Variants in EME2 observed in about 807,000 individuals in gnomAD.
EME2 encodes essential meiotic structure-specific endonuclease subunit 2.
EME2 carries 58 observed loss-of-function variants against 41.9 expected under a neutral mutation model. The ratio of observed to expected loss-of-function variants is 1.38; its 90% CI spans 1.12 to 1.72. The LOEUF (loss-of-function observed/expected upper bound fraction) is 1.72, where lower values mean the gene tolerates loss of function less well. Among genes scored for constraint, EME2 ranks in the 40% most tolerant of loss-of-function variants. The pLI, the probability that EME2 is intolerant of heterozygous loss-of-function variation, is 0.00. For missense variants in EME2, 695 were observed against 541.9 expected (o/e 1.28, Z -2.81); for synonymous variants, 334 against 239.3 (o/e 1.40, Z -3.65).
Position 1,780,915 on chromosome 16 carries a change from TAGAGAC to T in EME2, c.*4680_*4685del, listed in dbSNP as rs1166136529. 2 of 332,982 alleles carry T rather than the reference TAGAGAC, an allele frequency of 6.0e-6. No individual in the cohort carries two copies. The highest frequency in any genetic ancestry group is 4.3e-5 in the African/African-American group (2 of 46,322). The allele number at this position is 332,982 out of a possible 1,614,324, so 20.6% of individuals were successfully genotyped here. On this transcript the variant is annotated 3_prime_UTR_variant, in exon 8 of 8. Coordinates refer to ENST00000568449, the MANE Select transcript of EME2 (RefSeq NM_001257370.2). ...GCCTGACACATTTTTTAAATTTTTGTAGAGACAGTGTTTCACCATGTTGCCCAGGCA... is the reference window on the plus strand; with the variant it reads ...GCCTGACACATTTTTTAAATTTTTGTAGTGTTTCACCATGTTGCCCAGGCA...
Position 1,778,654 on chromosome 16 carries a change from T to C in EME2, c.*2416T>C. 6.6e-7 allele frequency: 1 copy of C among 1,516,530 alleles called. No individual in the cohort carries two copies. The highest frequency in any genetic ancestry group is 2.3e-5 in the East Asian group (1 of 43,966). The allele number at this position is 1,516,530 out of a possible 1,614,324, so 93.9% of individuals were successfully genotyped here. A position where few individuals can be genotyped will look rare whatever the true frequency, so the allele number is the denominator to read the frequency against. ...GGCTGTTACTACCTGTTGCCCGCTC[T>C]CTACCCTCTCACCCTTGCCCTCTGT... On this transcript the variant is annotated 3_prime_UTR_variant, in exon 8 of 8. Coordinates refer to ENST00000568449, the MANE Select transcript of EME2 (RefSeq NM_001257370.2).
chr16:1,776,470 C>A lies in EME2; in HGVS notation c.*232C>A. Reference sequence around the variant, plus strand: ...GGCGGTTCCTGTGCTGAGTCCTGAACACGTAGGCCCCAGGGGAGGCCTCAG... The same window carrying A: ...GGCGGTTCCTGTGCTGAGTCCTGAAAACGTAGGCCCCAGGGGAGGCCTCAG... On this transcript the variant is annotated 3_prime_UTR_variant, in exon 8 of 8. Transcript: ENST00000568449. 2.1e-6 allele frequency: 1 copy of A among 470,814 alleles called. No homozygotes were observed. Among genetic ancestry groups the A allele is most frequent in the Non-Finnish European group, 3.7e-6 (1 of 273,064 alleles). 29.2% of individuals were successfully genotyped at this position (470,814 alleles called of 1,614,324 possible). A position where few individuals can be genotyped will look rare whatever the true frequency, so the allele number is the denominator to read the frequency against.
Position 1,781,472 on chromosome 16 carries a change from G to C in EME2, c.*5234G>C. On this transcript the variant is annotated 3_prime_UTR_variant, in exon 8 of 8. Coordinates refer to ENST00000568449, the MANE Select transcript of EME2 (RefSeq NM_001257370.2). ...AGTGCCAGGCCCTGCTGTTCCGGGGGCGTCTGGCCATGGTGGAAAGAATCT... is the reference window on the plus strand; with the variant it reads ...AGTGCCAGGCCCTGCTGTTCCGGGGCCGTCTGGCCATGGTGGAAAGAATCT... 6.2e-7 allele frequency: 1 copy of C among 1,612,518 alleles called. No individual in the cohort carries two copies. The highest frequency in any genetic ancestry group is 8.5e-7 in the Non-Finnish European group (1 of 1,179,864).
At position 1,777,719 on chromosome 16, in the gene EME2, A is replaced by G. The variant is rs1164920813; in HGVS notation, c.*1481A>G. 9.3e-6 allele frequency: 15 copies of G among 1,607,982 alleles called. No individual in the cohort carries two copies. In the East Asian group the frequency reaches 3.4e-4, roughly 36 times the overall value. On this transcript the variant is annotated 3_prime_UTR_variant, in exon 8 of 8. Transcript: ENST00000568449. ...TGCCTCCCTCGGGGTGACAGCTGAG[A>G]GGAGCTCAAGTCCTGTGACGGCCTC...
In EME2 at chr16:1,776,853, C is replaced by T. The variant is rs1432909866; in HGVS notation, c.*615C>T. The T allele has an allele frequency of 1.8e-5, 10 of 549,286 alleles. No homozygotes were observed. Among genetic ancestry groups the T allele is most frequent in the Non-Finnish European group, 3.2e-5 (10 of 312,970 alleles). 34.0% of individuals were successfully genotyped at this position (549,286 alleles called of 1,614,324 possible). ...ACGCGGGCTCCAGCCAGGCTCTCGT[C>T]CTCGCAGCCTCCCACAAGACCTGGG... On this transcript the variant is annotated 3_prime_UTR_variant, in exon 8 of 8. Coordinates refer to ENST00000568449, the MANE Select transcript of EME2 (RefSeq NM_001257370.2).
In EME2 at chr16:1,775,680, C is replaced by T; in HGVS notation, c.775C>T (p.Leu259Phe). 6.2e-7 allele frequency: 1 copy of T among 1,612,362 alleles called. No homozygotes were observed. Among genetic ancestry groups the T allele is most frequent in the South Asian group, 1.1e-5 (1 of 91,082 alleles). ...TACCAAGGCTCTCGCCCAGTATCCC[C>T]TCAAGTGCGTGATGCCAAGGCTGAA... ...AVTKALAQYP[L>F]KQYRESQAFS... Residue 259 changes from leucine to phenylalanine, a missense_variant, in exon 6 of 8, where the codon CTC (leucine) becomes TTC (phenylalanine). Transcript: ENST00000568449.
rs773188529 is a variant in EME2 at position 1,778,376 on chromosome 16, TGCCCACCCCCAG to T, written c.*2143_*2154del. On this transcript the variant is annotated 3_prime_UTR_variant, in exon 8 of 8. Transcript: ENST00000568449. The stretch of plus-strand genomic sequence containing the variant: ...CTGAGAGCTCCATGGGGCTCTGCCC[TGCCCACCCCCAG>T]GCCCGCCCGCAGTGCAGTCCCAGCA... 201 of 1,608,176 alleles carry T rather than the reference TGCCCACCCCCAG, an allele frequency of 1.2e-4. No individual in the cohort carries two copies. The highest frequency in any genetic ancestry group is 1.6e-4 in the Non-Finnish European group (184 of 1,178,084).
chr16:1,778,282 G>C lies in EME2; in HGVS notation c.*2044G>C. The C allele has an allele frequency of 6.2e-7, 1 of 1,612,664 alleles. No homozygotes were observed. The highest frequency in any genetic ancestry group is 8.5e-7 in the Non-Finnish European group (1 of 1,179,996). The stretch of plus-strand genomic sequence containing the variant: ...ACGGTTGTCACAGCTCAGCAGGGTG[G>C]CTGATGACTTATTTAAGTCATCCCA... On this transcript the variant is annotated 3_prime_UTR_variant, in exon 8 of 8. Transcript: ENST00000568449.
chr16:1,773,624 C>T (rs1470066856), intron 1 of EME2, 81 bp from the exon 2 acceptor site: 1 of 1,542,424 alleles, frequency 6.5e-7, no homozygotes, highest in East Asian at 2.5e-5. Flanking sequence ...ATGGAGACTC[C>T]CCGGTCCGGC....
chr16:1,780,726 G>A lies in EME2; in HGVS notation c.*4488G>A, dbSNP rs911312351. The A allele has an allele frequency of 3.0e-5, 5 of 164,246 alleles. No homozygotes were observed. Among genetic ancestry groups the A allele is most frequent in the Admixed American group, 5.7e-5 (1 of 17,414 alleles). The allele number at this position is 164,246 out of a possible 1,614,324, so 10.2% of individuals were successfully genotyped here. ...CCAGAAATGGGCTGGGTAAACCAAA[G>A]AATTTTTTTGTTTTTGTTTTTTTTG... On this transcript the variant is annotated 3_prime_UTR_variant, in exon 8 of 8. Coordinates refer to ENST00000568449, the MANE Select transcript of EME2 (RefSeq NM_001257370.2).
In EME2 at chr16:1,777,183, CTG is replaced by C. The variant is rs1375106440; in HGVS notation, c.*946_*947del. The C allele has an allele frequency of 2.5e-6, 4 of 1,610,924 alleles. No homozygotes were observed. The highest frequency in any genetic ancestry group is 3.4e-6 in the Non-Finnish European group (4 of 1,179,870). ...GAGGTCGCTGCCTGGGGATCGGACA[CTG>C]GAGCCTTGCGGCGGCTGCAACTCAT... is the stretch of plus-strand genomic sequence containing the variant. On this transcript the variant is annotated 3_prime_UTR_variant, in exon 8 of 8. Transcript: ENST00000568449.
In EME2 at chr16:1,775,127, C is replaced by T. The variant is rs2042690158; in HGVS notation, c.564C>T (p.Tyr188=). 3 of 1,612,118 alleles carry T rather than the reference C, an allele frequency of 1.9e-6. No individual in the cohort carries two copies. The highest frequency in any genetic ancestry group is 1.7e-6 in the Non-Finnish European group (2 of 1,179,906). The change falls in exon 4 of 8, where the codon TAC becomes TAT. Residue 188 remains tyrosine (Y), a synonymous_variant. Transcript: ENST00000568449. The stretch of plus-strand genomic sequence containing the variant: ...TGGCTGTCATCGGGCTGGATGCCTA[C>T]CTGTGGTACCGCTCACTCTCATGCC... ...PHLAVIGLDA[Y]LWSRQHVSRG...
rs776221569 is a variant in EME2 at position 1,775,204 on chromosome 16, G to A, written c.569+72G>A. ...TTCAGGGGAGGTGGGCACACTTCTG[G>A]GGTTGCTGTGGCACAGCTGATCCCA... is the stretch of plus-strand genomic sequence containing the variant. On this transcript the variant is annotated intron_variant, in intron 4 of 7. Transcript: ENST00000568449. The A allele has an allele frequency of 4.4e-6, 7 of 1,588,108 alleles. No homozygotes were observed. In the East Asian group the frequency reaches 6.7e-5, roughly 15 times the overall value.
chr16:1,776,400 T>G lies in EME2; in HGVS notation c.*162T>G. The G allele has an allele frequency of 1.6e-6, 1 of 629,186 alleles. No individual in the cohort carries two copies. The highest frequency in any genetic ancestry group is 2.5e-5 in the African/African-American group (1 of 40,628). 39.0% of individuals were successfully genotyped at this position (629,186 alleles called of 1,614,324 possible). On this transcript the variant is annotated 3_prime_UTR_variant, in exon 8 of 8. Transcript: ENST00000568449. ...GAAGGGTGGGTGGTTGCAGGGGAAG[T>G]TTTAGGTAGCTGGGAGAAGAGGGGC...
chr16:1,773,631 C>T, intron 1 of EME2, 74 bp from the exon 2 acceptor site: 3 of 1,543,500 alleles, frequency 1.9e-6, no homozygotes, highest in East Asian at 2.5e-5. Flanking sequence ...CTCCCCGGTC[C>T]GGCCACCCGC....
rs1326093580 is a variant in EME2 at position 1,781,128 on chromosome 16, G to C, written c.*4890G>C. 5 of 1,477,076 alleles carry C rather than the reference G, an allele frequency of 3.4e-6. No homozygotes were observed. The African/African-American group carries it at 6.9e-5, about 21-fold the overall frequency. The allele number at this position is 1,477,076 out of a possible 1,614,324, so 91.5% of individuals were successfully genotyped here. ...AGGAGAAAGCACAGTGAAGAATGCA[G>C]TGTGTTCTGAGGTCCTGTCACCCCT... On this transcript the variant is annotated 3_prime_UTR_variant, in exon 8 of 8. Coordinates refer to ENST00000568449, the MANE Select transcript of EME2 (RefSeq NM_001257370.2).
rs565654360 is a variant in EME2 at position 1,777,724 on chromosome 16, C to T, written c.*1486C>T. 5 of 1,609,646 alleles carry T rather than the reference C, an allele frequency of 3.1e-6. No homozygotes were observed. The East Asian group carries it at 8.9e-5, about 29-fold the overall frequency. ...CCCTCGGGGTGACAGCTGAGAGGAG[C>T]TCAAGTCCTGTGACGGCCTCACCTA... is the stretch of plus-strand genomic sequence containing the variant. On this transcript the variant is annotated 3_prime_UTR_variant, in exon 8 of 8. Coordinates refer to ENST00000568449, the MANE Select transcript of EME2 (RefSeq NM_001257370.2).
At position 1,773,257 on chromosome 16, in the gene EME2, G is replaced by A; in HGVS notation, c.30G>A (p.Gly10=). 1.4e-6 allele frequency: 2 copies of A among 1,454,132 alleles called. No homozygotes were observed. Among genetic ancestry groups the A allele is most frequent in the Admixed American group, 2.6e-5 (1 of 38,056 alleles). 90.1% of individuals were successfully genotyped at this position (1,454,132 alleles called of 1,614,324 possible). A position where few individuals can be genotyped will look rare whatever the true frequency, so the allele number is the denominator to read the frequency against. The part of the protein sequence containing the change: MARVGPGRA[G]VSCQGRGRGR... ...CGCGGGTTGGACCCGGGAGGGCGGG[G>A]GTCTCTTGCCAGGGCCGGGGCCGGG... The change falls in exon 1 of 8, where the codon GGG becomes GGA. Residue 10 remains glycine, a synonymous_variant. Coordinates refer to ENST00000568449, the MANE Select transcript of EME2 (RefSeq NM_001257370.2).
Position 1,776,370 on chromosome 16 carries a change from CA to C in EME2, c.*133del, listed in dbSNP as rs1240983622. On this transcript the variant is annotated 3_prime_UTR_variant, in exon 8 of 8. Coordinates refer to ENST00000568449, the MANE Select transcript of EME2 (RefSeq NM_001257370.2). ...TTCTCTGGCTGAGCAGGTCTGACCT[CA>C]GGGGAAGGGTGGGTGGTTGCAGGGG... The C allele has an allele frequency of 1.2e-4, 96 of 807,900 alleles. No homozygotes were observed. The highest frequency in any genetic ancestry group is 1.6e-4 in the Non-Finnish European group (80 of 505,992). The allele number at this position is 807,900 out of a possible 1,614,324, so 50.0% of individuals were successfully genotyped here.
Sources: allele counts gnomAD v4.1 joint callset, GRCh38; gene constraint gnomAD v4.1.1; transcripts MANE v1.5; gene names NCBI Gene and HGNC (gene_info 2026-07-23, HGNC 2026-07-21).